Variants in FUBP3 observed in about 807,000 individuals in gnomAD.
FUBP3 encodes the protein far upstream element binding protein 3.
Under a neutral mutation model 85.6 loss-of-function variants are expected in FUBP3, and 28 were observed. That is an observed-to-expected ratio of 0.33 (90% CI 0.24 to 0.45). The LOEUF (loss-of-function observed/expected upper bound fraction) is 0.45. Among genes scored for constraint, FUBP3 ranks in the 20% least tolerant of loss-of-function variants. The pLI is 1.00. For missense variants in FUBP3, 583 were observed against 755.1 expected (o/e 0.77, Z 2.67); for synonymous variants, 271 against 271.4 (o/e 1.00, Z 0.01).
At chr9:130,609,424 T>G in intron 2 of FUBP3, among the ~76,000 whole-genome samples, 1 of 120,966 alleles carries the variant, frequency 8.3e-6, no homozygotes. Context: ...CTCCTTCAGA[T>G]GCTTATGGTC....
chr9:130,635,906 C>A lies in FUBP3; in HGVS notation c.1583-93C>A. The A allele has an allele frequency of 7.5e-7, 1 of 1,338,120 alleles. No individual in the cohort carries two copies. Among genetic ancestry groups the A allele is most frequent in the Non-Finnish European group, 1.0e-6 (1 of 967,258 alleles). 82.9% of individuals were successfully genotyped at this position (1,338,120 alleles called of 1,614,324 possible). A position where few individuals can be genotyped will look rare whatever the true frequency, so the allele number is the denominator to read the frequency against. ...CAGACCTCCCTGCCTTCCAGCCGTCCGGAGGGAGAGCAGATGCCCAGGGCC... is the reference window on the plus strand; with the variant it reads ...CAGACCTCCCTGCCTTCCAGCCGTCAGGAGGGAGAGCAGATGCCCAGGGCC... On this transcript the variant is annotated intron_variant, in intron 17 of 18. Coordinates refer to ENST00000319725, the MANE Select transcript of FUBP3 (RefSeq NM_003934.2). This position sits in a 1 kb window ranked among gnomAD's most constrained non-coding sequence, Gnocchi z 4.3.
intron 2 of FUBP3, among the ~76,000 whole-genome samples, chr9:130,599,871 A>T (rs1831066330): frequency 6.6e-6 from 1 of 151,934 alleles, no homozygotes; most frequent in Admixed American, 6.6e-5. Flanking sequence ...CAACCTGGCC[A>T]TTGCCTGCCC....
rs535759409 is a variant in FUBP3, at chr9:130,620,420, G to A, written c.733G>A (p.Gly245Ser). 2.6e-5 allele frequency: 41 copies of A among 1,603,428 alleles called. No individual in the cohort carries two copies. Among genetic ancestry groups the A allele is most frequent in the Admixed American group, 1.5e-4 (9 of 58,730 alleles). ...CCAAGCTGACTTTCGGGGTGTACGC[G>A]GCGATTTCAACTCTCGAATGGGAGG... ...KDQADFRGVR[G>S]DFNSRMGGGS... Residue 245 changes from glycine to serine, a missense_variant, in exon 9 of 19, where the codon GGC becomes AGC. By Grantham distance (56) the Gly-to-Ser change is moderately conservative. Around this residue, in one of 3 missense-constraint regions of FUBP3, gnomAD observed 404 missense variants for 516.8 expected, o/e 0.78. Coordinates refer to ENST00000319725, the MANE Select transcript of FUBP3 (RefSeq NM_003934.2).
chr9:130,601,213 C>T (rs901465487), intron 2 of FUBP3, among the ~76,000 whole-genome samples: 1 of 152,082 alleles, frequency 6.6e-6, no homozygotes, highest in African/African-American at 2.4e-5. Flanking sequence ...ATAGAGAGTA[C>T]CCCTCCCCCA....
At chr9:130,587,780 A>G (rs994068415) in intron 1 of FUBP3, among the ~76,000 whole-genome samples, 2 of 152,194 alleles carry the variant, frequency 1.3e-5, no homozygotes, top group African/African-American at 4.8e-5. Flanking sequence ...AAGGGTACCA[A>G]GATGATGGAG....
intron 9 of FUBP3, among the ~76,000 whole-genome samples, chr9:130,621,168 T>C (rs1321681387): frequency 1.3e-5 from 2 of 151,700 alleles, no homozygotes; most frequent in East Asian, 3.9e-4. Flanking sequence ...AAAAGAAAAA[T>C]GAAGGAAAAA....
intron 1 of FUBP3, among the ~76,000 whole-genome samples, chr9:130,589,732 A>ATTT (rs1564191169): frequency 2.1e-5 from 2 of 93,890 alleles, no homozygotes; most frequent in African/African-American, 1.1e-4. Flanking sequence ...TTTTTTTAAG[A>ATTT]GACAGGGTCT....
At chr9:130,621,866 CTG>C (rs762724691) in intron 9 of FUBP3, among the ~76,000 whole-genome samples, 45 of 151,194 alleles carry the variant, frequency 3.0e-4, no homozygotes, top group Non-Finnish European at 6.2e-4. Flanking sequence ...GATGGTGCCA[CTG>C]TACTCCAGCC....
chr9:130,632,001 A>G lies in FUBP3; in HGVS notation c.1412A>G (p.Asn471Ser). 6.2e-7 allele frequency: 1 copy of G among 1,612,274 alleles called. No homozygotes were observed. The highest frequency in any genetic ancestry group is 1.1e-5 in the South Asian group (1 of 91,020). ...FPNMAAKVNG[N>S]PHSTPVSGPP... is the part of the protein sequence containing the mutation. ...AACATGGCTGCCAAGGTGAATGGGA[A>G]CCCCCACAGCACCCCTGTGAGGTAG... Residue 471 changes from asparagine (N) to serine (S), a missense_variant, in exon 15 of 19, where the codon AAC becomes AGC. By Grantham distance (46) the Asn-to-Ser change is conservative (BLOSUM62 1). Around this residue, in one of 3 missense-constraint regions of FUBP3, gnomAD observed 404 missense variants for 516.8 expected, o/e 0.78. Transcript: ENST00000319725.
intron 16 of FUBP3, among the ~76,000 whole-genome samples, chr9:130,632,511 A>T (rs987746224): frequency 6.6e-6 from 1 of 152,028 alleles, no homozygotes; most frequent in East Asian, 1.9e-4. Context: ...CGGGCTGGGG[A>T]CTCTGGGCTG....
chr9:130,631,848 C>A, intron 14 of FUBP3, 94 bp from the exon 15 acceptor site: 1 of 970,290 alleles, frequency 1.0e-6, no homozygotes. Context: ...GGTCTTCTGT[C>A]CCGACTGCCC....
chr9:130,630,537 C>T, intron 12 of FUBP3, 91 bp from the exon 13 acceptor site: 1 of 1,030,532 alleles, frequency 9.7e-7, no homozygotes, highest in Non-Finnish European at 1.4e-6. Context: ...ACAAAATCCC[C>T]CCGAGTTGTC....
chr9:130,597,504 A>G (rs1564196408), intron 2 of FUBP3, among the ~76,000 whole-genome samples: 1 of 152,172 alleles, frequency 6.6e-6, no homozygotes, highest in Non-Finnish European at 1.5e-5. Flanking sequence ...TGCTTTTCTA[A>G]ACTTTTCATC....
intron 1 of FUBP3, among the ~76,000 whole-genome samples, chr9:130,586,046 T>A (rs1291283776): frequency 6.6e-6 from 1 of 152,206 alleles, no homozygotes; most frequent in African/African-American, 2.4e-5. Flanking sequence ...TTGTCCAGGC[T>A]GGAATGCAGT....
rs1301102176 is a variant in FUBP3 at position 130,634,682 on chromosome 9, C to T, written c.1526C>T (p.Pro509Leu). The T allele has an allele frequency of 1.2e-6, 2 of 1,613,602 alleles. No individual in the cohort carries two copies. Among genetic ancestry groups the T allele is most frequent in the Non-Finnish European group, 1.7e-6 (2 of 1,179,942 alleles). ...CTTCGCACAGGCCAGCAGAGCCAGC[C>T]GCAGAGCAGCCAGCCCAACTACAGC... is the stretch of plus-strand genomic sequence containing the variant. Reference protein sequence around the residue: ...TQQVPSQQSQPQSSQPNYSKA... With the variant: ...TQQVPSQQSQLQSSQPNYSKA... The change falls in exon 17 of 19, where the codon CCG becomes CTG. Residue 509 changes from proline to leucine, a missense_variant. This residue lies in a region of FUBP3 where 404 missense variants were observed against 516.8 expected (regional missense o/e 0.78). Transcript: ENST00000319725.
At chr9:130,619,696 C>T (rs1588150230) in intron 8 of FUBP3, among the ~76,000 whole-genome samples, 1 of 152,102 alleles carries the variant, frequency 6.6e-6, no homozygotes, top group African/African-American at 2.4e-5. Flanking sequence ...CATGGGTTGG[C>T]CAACATGCAG....
chr9:130,595,226 CAAAAA>C (rs10585883), intron 1 of FUBP3, among the ~76,000 whole-genome samples: 1 of 100,844 alleles, frequency 9.9e-6, no homozygotes, highest in Non-Finnish European at 2.1e-5. Context: ...AACTCCGTCT[CAAAAA>C]AAAAAAAAAA....
At position 130,616,983 on chromosome 9, in the gene FUBP3, G is replaced by A. The variant is rs1393244340; in HGVS notation, c.567+466G>A. Among the ~76,000 whole-genome samples the A allele has an allele frequency of 1.3e-5, 2 of 152,182 alleles. No individual in the cohort carries two copies. Among genetic ancestry groups the A allele is most frequent in the Non-Finnish European group, 2.9e-5 (2 of 68,030 alleles). On this transcript the variant is annotated intron_variant, in intron 7 of 18. Coordinates refer to ENST00000319725, the MANE Select transcript of FUBP3 (RefSeq NM_003934.2). The surrounding 1 kb of genome is among the most constrained non-coding windows in gnomAD (Gnocchi z 4.7). ...TTGTGATGGAGCTAAAATAATAGCC[G>A]TTCTTTTCTTTTTATGTAAGAGCCT...
intron 12 of FUBP3, 124 bp from the exon 13 acceptor site, chr9:130,630,503 CT>C: frequency 3.1e-6 from 2 of 642,224 alleles, no homozygotes; most frequent in Non-Finnish European, 5.0e-6. Flanking sequence ...AACTTCTCTA[CT>C]GTCAGGGCAA....
Sources: gnomAD v4.1 joint callset for allele counts (sites outside exome capture counted in the v4.1 genomes callset) on GRCh38, gnomAD v4.1.1 for gene constraint, gnomAD v4.1.1 regional missense constraint, Gnocchi (gnomAD v3.1) non-coding constraint, MANE v1.5 for transcripts, NCBI Gene and HGNC (gene_info 2026-07-23, HGNC 2026-07-21) for gene names.